The following ACSM1 variants were observed in gnomAD, a reference collection of about 807,000 sequenced individuals.
ACSM1 encodes the protein acyl-coenzyme A synthetase ACSM1, mitochondrial.
In ACSM1, 79 loss-of-function variants were observed where a neutral mutation model predicts 75.8. The ratio of observed to expected loss-of-function variants is 1.04; its 90% CI spans 0.87 to 1.26. The LOEUF (loss-of-function observed/expected upper bound fraction) is 1.26, where lower values mean the gene tolerates loss of function less well. Among genes scored for constraint, ACSM1 ranks in the 50% most tolerant of loss-of-function variants. The pLI is 0.00. For synonymous variants in ACSM1, 279 were observed against 265.8 expected (o/e 1.05, Z -0.48); for missense variants, 676 against 720.1 (o/e 0.94, Z 0.70).
intron 4 of ACSM1, among the ~76,000 whole-genome samples, chr16:20,677,302 G>A (rs969265115): frequency 6.6e-6 from 1 of 151,514 alleles, no homozygotes; most frequent in Non-Finnish European, 1.5e-5. Context: ...TTATCTTCTT[G>A]TATGCCCATA....
chr16:20,624,310 A>C, intron 12 of ACSM1, 95 bp from the exon 13 acceptor site: 2 of 1,409,758 alleles, frequency 1.4e-6, no homozygotes, highest in Non-Finnish European at 1.9e-6. Flanking sequence ...ACAAGGTGAC[A>C]CTGAACCCTA....
intron 8 of ACSM1, 111 bp from the exon 9 acceptor site, chr16:20,637,562 T>A: frequency 2.0e-6 from 2 of 976,332 alleles, no homozygotes; most frequent in Non-Finnish European, 3.2e-6. Flanking sequence ...TTCCTCTCAA[T>A]GGATGCTGCC....
At chr16:20,624,285 T>G (rs539800820) in intron 12 of ACSM1, 70 bp from the exon 13 acceptor site, 2 of 1,499,968 alleles carry the variant, frequency 1.3e-6, no homozygotes, top group South Asian at 1.3e-5. Flanking sequence ...CAATGTTTAT[T>G]GAATGAGTGG....
chr16:20,673,247 TG>T (rs1380559931), intron 4 of ACSM1, among the ~76,000 whole-genome samples: 1 of 151,878 alleles, frequency 6.6e-6, no homozygotes, highest in East Asian at 1.9e-4. Flanking sequence ...GAGAGGGCCT[TG>T]GGCCTACTAC....
intron 2 of ACSM1, 121 bp downstream of exon 2, chr16:20,690,876 A>G: frequency 1.1e-6 from 1 of 930,840 alleles, no homozygotes; most frequent in Non-Finnish European, 1.6e-6. Flanking sequence ...AGCTTCTTCC[A>G]CAACACTGAT....
At chr16:20,630,990 A>C (rs2017307159) in intron 10 of ACSM1, among the ~76,000 whole-genome samples, 1 of 152,252 alleles carries the variant, frequency 6.6e-6, no homozygotes, top group South Asian at 2.1e-4. Context: ...AATAAAAAAC[A>C]CAGCATATTA....
chr16:20,658,341 C>A (rs941561333), intron 7 of ACSM1, among the ~76,000 whole-genome samples: 2 of 152,158 alleles, frequency 1.3e-5, no homozygotes, highest in African/African-American at 4.8e-5. Flanking sequence ...TTTTGATTTG[C>A]AGTTCTCTGA....
intron 6 of ACSM1, among the ~76,000 whole-genome samples, chr16:20,666,914 C>A (rs993333664): frequency 1.3e-5 from 2 of 152,104 alleles, no homozygotes; most frequent in African/African-American, 4.8e-5. Flanking sequence ...TAAACCTGGG[C>A]TCCTACCTTT....
At chr16:20,628,087 C>T (rs1280240518) in intron 10 of ACSM1, among the ~76,000 whole-genome samples, 1 of 151,488 alleles carries the variant, frequency 6.6e-6, no homozygotes, top group African/African-American at 2.4e-5. Context: ...TTCATCCTCA[C>T]AGAAAGCCTA....
In ACSM1 at chr16:20,674,900, C is replaced by A. The variant is rs1428092375; in HGVS notation, c.612-3229G>T. On this transcript the variant is annotated intron_variant, in intron 4 of 13. Transcript: ENST00000520010. ...AGCTTGATCACCTCCCAGGGACCAA[C>A]CACTCATCCAACCCAGAGTGGCTGG... is the stretch of plus-strand genomic sequence containing the variant. 3 of 152,362 alleles carry A rather than the reference C, an allele frequency of 2.0e-5. No homozygotes were observed. In the East Asian group the frequency reaches 5.8e-4, roughly 29 times the overall value. The allele number at this position is 152,362 out of a possible 1,614,324, so 9.4% of individuals were successfully genotyped here.
rs139062794 is a variant in ACSM1 at position 20,682,445 on chromosome 16, G to A, written c.422C>T (p.Ala141Val). 3.0e-5 allele frequency: 48 copies of A among 1,613,278 alleles called. No homozygotes were observed. In the East Asian group the frequency reaches 4.7e-4, roughly 16 times the overall value. ...CMRTGIIFIP[A>V]TILLKAKDIL... ...GTCTTTGGCCTTCAACAGGATGGTC[G>A]CAGGAATGAAGATGATCCCTGGGGA... The change falls in exon 4 of 14, where the codon GCG (alanine) becomes GTG (valine). Residue 141 changes from alanine (A) to valine (V), a missense_variant. Transcript: ENST00000520010.
rs1451909637 is a variant in ACSM1, at chr16:20,671,596, G to A, written c.687C>T (p.Thr229=). 2 of 1,613,854 alleles carry A rather than the reference G, an allele frequency of 1.2e-6. No homozygotes were observed. Among genetic ancestry groups the A allele is most frequent in the Non-Finnish European group, 1.7e-6 (2 of 1,179,892 alleles). ...GTTTTGCCATCTTGGGGAAGCCTGT[G>A]GTCCCACTGGTGAAGAAGATGACCA... ...DPMVIFFTSG[T]TGFPKMAKHS... Residue 229 remains threonine (T), a synonymous_variant, in exon 5 of 14, where the codon ACC becomes ACT. Transcript: ENST00000520010.
chr16:20,656,960 G>C (rs1480074118), intron 7 of ACSM1, among the ~76,000 whole-genome samples: 1 of 150,776 alleles, frequency 6.6e-6, no homozygotes, highest in Non-Finnish European at 1.5e-5. Flanking sequence ...AAACTATTAT[G>C]TGTCACTTTT....
At chr16:20,682,660 C>A (rs1257295007) in intron 3 of ACSM1, among the ~76,000 whole-genome samples, 197 bp from the exon 4 acceptor site, 1 of 152,178 alleles carries the variant, frequency 6.6e-6, no homozygotes, top group African/African-American at 2.4e-5. Flanking sequence ...TGCATCTTAA[C>A]AAGTTTTCCA....
At chr16:20,644,538 AACACACACACAC>A (rs56275246) in intron 7 of ACSM1, among the ~76,000 whole-genome samples, 15 of 145,116 alleles carry the variant, frequency 1.0e-4, no homozygotes, top group South Asian at 2.2e-4. Context: ...GTGATTGAGG[AACACACACACAC>A]ACACACACAC....
intron 1 of ACSM1, among the ~76,000 whole-genome samples, chr16:20,696,422 C>T (rs926439643): frequency 1.3e-5 from 2 of 152,194 alleles, no homozygotes; most frequent in African/African-American, 4.8e-5. Flanking sequence ...AGATTCTTCC[C>T]TTCTTTGTCA....
chr16:20,672,471 A>AAAAAAAAAAAAATATAT (rs1555473775), intron 4 of ACSM1, among the ~76,000 whole-genome samples: 1 of 64,574 alleles, frequency 1.5e-5, no homozygotes, highest in Non-Finnish European at 2.6e-5. Context: ...AAAAAAAAAA[A>AAAAAAAAAAAAATATAT]ATATATATAT....
intron 6 of ACSM1, among the ~76,000 whole-genome samples, chr16:20,667,124 C>A (rs2019611528): frequency 6.6e-6 from 1 of 152,094 alleles, no homozygotes; most frequent in African/African-American, 2.4e-5. Flanking sequence ...AGAGCTTCAG[C>A]ACAGCAAAAG....
At chr16:20,651,848 A>T (rs1264911623) in intron 7 of ACSM1, among the ~76,000 whole-genome samples, 8 of 152,168 alleles carry the variant, frequency 5.3e-5, no homozygotes, top group Non-Finnish European at 8.8e-5. Flanking sequence ...GTAAAATAAT[A>T]TCAGCAATGT....
Sources: allele counts gnomAD v4.1 joint callset (sites outside exome capture counted in the v4.1 genomes callset), GRCh38; gene constraint gnomAD v4.1.1; transcripts MANE v1.5; gene names NCBI Gene and HGNC (gene_info 2026-07-23, HGNC 2026-07-21).